Variants in ANTXR2 observed in about 807,000 individuals in gnomAD.
ANTXR2 encodes the protein anthrax toxin receptor 2.
Under a neutral mutation model 73.7 loss-of-function variants are expected in ANTXR2, and 44 were observed. That is an observed-to-expected ratio of 0.60 (90% CI 0.47 to 0.77). The LOEUF (loss-of-function observed/expected upper bound fraction) is 0.77, where lower values mean the gene tolerates loss of function less well. Ranked by LOEUF, ANTXR2 falls within the 30% of genes least tolerant of loss-of-function variation. The pLI is 0.00. For synonymous variants in ANTXR2, 217 were observed against 205.9 expected (o/e 1.05, Z -0.46); for missense variants, 604 against 592.5 (o/e 1.02, Z -0.20).
At chr4:80,031,113 G>A (rs1448120069) in intron 10 of ANTXR2, among the ~76,000 whole-genome samples, 1 of 151,928 alleles carries the variant, frequency 6.6e-6, no homozygotes, top group Non-Finnish European at 1.5e-5. Flanking sequence ...AACAGAAATG[G>A]AACACAAAGC....
chr4:79,959,215 CTAA>C (rs1284064682), intron 16 of ANTXR2, among the ~76,000 whole-genome samples: 1 of 151,992 alleles, frequency 6.6e-6, no homozygotes, highest in Admixed American at 6.6e-5. Flanking sequence ...TCCAAACTGA[CTAA>C]TTTTAGCCCC....
intron 16 of ANTXR2, among the ~76,000 whole-genome samples, chr4:79,952,168 T>C: frequency 6.6e-6 from 1 of 150,754 alleles, no homozygotes; most frequent in South Asian, 2.1e-4. Flanking sequence ...AATAGGTATA[T>C]ATAAACTATT....
At chr4:79,996,060 C>T (rs144833337) in intron 12 of ANTXR2, among the ~76,000 whole-genome samples, 2 of 152,068 alleles carry the variant, frequency 1.3e-5, no homozygotes, top group African/African-American at 4.8e-5. Flanking sequence ...TGTTTATCCT[C>T]ATTTTAAATA....
At chr4:79,921,457 C>T (rs548018300) in intron 16 of ANTXR2, among the ~76,000 whole-genome samples, 2 of 152,152 alleles carry the variant, frequency 1.3e-5, no homozygotes, top group African/African-American at 4.8e-5. Context: ...TTTTCATTAG[C>T]TGTCTCTACT....
intron 6 of ANTXR2, 75 bp from the exon 7 acceptor site, chr4:80,054,427 A>G: frequency 9.3e-7 from 1 of 1,074,408 alleles, no homozygotes; most frequent in Non-Finnish European, 1.4e-6. Context: ...GTTACATTTC[A>G]GTTATGTTCA....
intron 16 of ANTXR2, among the ~76,000 whole-genome samples, chr4:79,926,955 G>GTGCATATGTGTATATATACACA (rs1470173608): frequency 3.7e-5 from 3 of 80,852 alleles, no homozygotes; most frequent in Admixed American, 2.6e-4. Flanking sequence ...GTATATATAC[G>GTGCATATGTGTATATATACACA]TGTGCATATA....
chr4:80,012,673 C>T (rs1731647261), intron 11 of ANTXR2, among the ~76,000 whole-genome samples: 1 of 152,120 alleles, frequency 6.6e-6, no homozygotes, highest in Non-Finnish European at 1.5e-5. Context: ...GGGTTCAATT[C>T]TGAATTATAG....
intron 16 of ANTXR2, among the ~76,000 whole-genome samples, chr4:79,915,121 G>C (rs1727292072): frequency 6.6e-6 from 1 of 152,086 alleles, no homozygotes; most frequent in South Asian, 2.1e-4. Flanking sequence ...ACCTTCTCAT[G>C]AGCCTCATAA....
intron 16 of ANTXR2, among the ~76,000 whole-genome samples, chr4:79,932,032 T>A (rs1018175493): frequency 6.6e-6 from 1 of 152,184 alleles, no homozygotes; most frequent in Non-Finnish European, 1.5e-5. Flanking sequence ...TTCAAATTAT[T>A]TCAAATTTCA....
At chr4:79,917,071 A>C (rs1286583234) in intron 16 of ANTXR2, among the ~76,000 whole-genome samples, 1 of 152,182 alleles carries the variant, frequency 6.6e-6, no homozygotes, top group Non-Finnish European at 1.5e-5. Context: ...ATCCCAACAA[A>C]TTAAAATAAA....
chr4:79,932,860 G>C (rs1052415757), intron 16 of ANTXR2, among the ~76,000 whole-genome samples: 2 of 150,338 alleles, frequency 1.3e-5, no homozygotes, highest in Non-Finnish European at 3.0e-5. Flanking sequence ...GATTAGTGAA[G>C]GAGGCATTGC....
intron 3 of ANTXR2, among the ~76,000 whole-genome samples, chr4:80,066,869 C>A (rs1006543226): frequency 2.6e-5 from 4 of 152,176 alleles, no homozygotes; most frequent in African/African-American, 9.7e-5. Flanking sequence ...GGTCTAGTGA[C>A]TCTTAGCTGC....
chr4:79,988,986 C>T (rs953236922), intron 12 of ANTXR2, among the ~76,000 whole-genome samples: 12 of 152,172 alleles, frequency 7.9e-5, no homozygotes, highest in Middle Eastern at 3.4e-3. Context: ...CTCTGGGACA[C>T]GGCTAAAGCA....
intron 12 of ANTXR2, among the ~76,000 whole-genome samples, chr4:79,987,900 T>C (rs1425113157): frequency 6.6e-6 from 1 of 152,112 alleles, no homozygotes; most frequent in Non-Finnish European, 1.5e-5. Context: ...AATAAAATCA[T>C]TTTCAAACAA....
At chr4:80,032,500 A>G (rs890746370) in intron 9 of ANTXR2, among the ~76,000 whole-genome samples, 5 of 151,840 alleles carry the variant, frequency 3.3e-5, no homozygotes, top group South Asian at 2.1e-4. Context: ...AATAGAAAAG[A>G]GAGGAATTAA....
At chr4:80,043,231 T>C (rs1046034978) in intron 7 of ANTXR2, among the ~76,000 whole-genome samples, 5 of 148,740 alleles carry the variant, frequency 3.4e-5, no homozygotes, top group Non-Finnish European at 5.9e-5. Flanking sequence ...ACATATTGAG[T>C]TCTAAATTCT....
At chr4:80,004,040 C>T (rs1442157216) in intron 12 of ANTXR2, among the ~76,000 whole-genome samples, 1 of 151,766 alleles carries the variant, frequency 6.6e-6, no homozygotes. Flanking sequence ...ATTCAACAGA[C>T]TGTGGTACAT....
At chr4:80,031,778 C>A in intron 9 of ANTXR2, 86 bp from the exon 10 acceptor site, 1 of 739,930 alleles carries the variant, frequency 1.4e-6, no homozygotes, top group Non-Finnish European at 2.0e-6. Flanking sequence ...ATGCTTCAAT[C>A]AGAGTTCAAA....
chr4:80,018,259 G>A (rs1448301927), intron 11 of ANTXR2, among the ~76,000 whole-genome samples: 1 of 152,010 alleles, frequency 6.6e-6, no homozygotes, highest in Non-Finnish European at 1.5e-5. Flanking sequence ...CCGTTTCCAC[G>A]TGCAATAATA....
Sources: allele counts gnomAD v4.1 joint callset (sites outside exome capture counted in the v4.1 genomes callset), GRCh38; gene constraint gnomAD v4.1.1; transcripts MANE v1.5; gene names NCBI Gene and HGNC (gene_info 2026-07-23, HGNC 2026-07-21).